Variants in DNAH5 observed in about 807,000 individuals in gnomAD.
DNAH5 encodes the protein dynein axonemal heavy chain 5.
Under a neutral mutation model 518.2 loss-of-function variants are expected in DNAH5, and 372 were observed. That is an observed-to-expected ratio of 0.72 (90% CI 0.66 to 0.78). The LOEUF is 0.78. Ranked by LOEUF, DNAH5 falls within the 30% of genes least tolerant of loss-of-function variation. The pLI is 0.00. For synonymous variants in DNAH5, 2,039 were observed against 2,025.9 expected, an observed-to-expected ratio of 1.01 and a Z score of -0.17; for missense variants, 5,523 against 5,687.0, an observed-to-expected ratio of 0.97 and a Z score of 0.93.
chr5:13,994,929 CAT>C (rs1183205591), intron 1 of DNAH5, among the ~76,000 whole-genome samples: 7 of 152,202 alleles, frequency 4.6e-5, no homozygotes, highest in Admixed American at 3.3e-4. Flanking sequence ...ATCCATCACA[CAT>C]GAGTTTCAGC....
At chr5:14,011,811 A>G (rs1785162479) in exon 1 of DNAH5, among the ~76,000 whole-genome samples, 1 of 152,110 alleles carries the variant, frequency 6.6e-6, no homozygotes, top group African/African-American at 2.4e-5. Context: ...TGCCGTTGCC[A>G]TGGCGACGGG....
chr5:13,895,644 T>G (rs1373108687), intron 15 of DNAH5, among the ~76,000 whole-genome samples: 1 of 152,040 alleles, frequency 6.6e-6, no homozygotes, highest in African/African-American at 2.4e-5. Flanking sequence ...CCAGTATTGA[T>G]CTCAACTAGT....
At chr5:13,850,398 T>C (rs1008628777) in intron 31 of DNAH5, among the ~76,000 whole-genome samples, 31 of 152,232 alleles carry the variant, frequency 2.0e-4, no homozygotes, top group South Asian at 1.9e-3. Context: ...AAGCAGGGAC[T>C]GTATGAGGAT....
chr5:14,001,200 G>A (rs1784327767), intron 1 of DNAH5, among the ~76,000 whole-genome samples: 1 of 152,182 alleles, frequency 6.6e-6, no homozygotes, highest in African/African-American at 2.4e-5. Context: ...AATATGCTCA[G>A]TACCTGGGTG....
chr5:13,996,200 G>A (rs534114495), intron 1 of DNAH5, among the ~76,000 whole-genome samples: 1 of 152,190 alleles, frequency 6.6e-6, no homozygotes, highest in African/African-American at 2.4e-5. Context: ...CTCCTCCACA[G>A]GGTAGTTTCG....
intron 69 of DNAH5, among the ~76,000 whole-genome samples, 191 bp from the exon 70 acceptor site, chr5:13,727,847 C>T (rs1745963503): frequency 6.6e-6 from 1 of 152,164 alleles, no homozygotes; most frequent in South Asian, 2.1e-4. Context: ...CAAAGTCAGT[C>T]TATACTAACA....
rs1160531469 is a variant in DNAH5, at chr5:13,769,616, C to T, written c.9606-1G>A. 6.2e-7 allele frequency: 1 copy of T among 1,612,716 alleles called. No homozygotes were observed. Among genetic ancestry groups the T allele is most frequent in the Non-Finnish European group, 8.5e-7 (1 of 1,178,864 alleles). ...GAGCTTTTCCAATCCAGTATTCATT[C>T]TGGGATTGAAAATCCAAGCAAGCAA... On this transcript the variant is annotated splice_acceptor_variant, in intron 56 of 78. Coordinates refer to ENST00000265104, the MANE Select transcript of DNAH5 (RefSeq NM_001369.3). LOFTEE classifies it high-confidence loss of function.
chr5:13,904,430 T>A (rs1470574984), intron 12 of DNAH5, among the ~76,000 whole-genome samples: 2 of 148,432 alleles, frequency 1.3e-5, no homozygotes, highest in Non-Finnish European at 3.0e-5. Flanking sequence ...TATATGGATT[T>A]TATATATATG....
intron 47 of DNAH5, among the ~76,000 whole-genome samples, chr5:13,797,869 T>C (rs922702923): frequency 2.3e-4 from 35 of 152,230 alleles, no homozygotes; most frequent in African/African-American, 7.2e-4. Context: ...GAATACTATG[T>C]AGCCATAAAA....
intron 1 of DNAH5, among the ~76,000 whole-genome samples, chr5:13,964,566 C>A (rs1024603072): frequency 1.3e-5 from 2 of 152,208 alleles, no homozygotes; most frequent in African/African-American, 4.8e-5. Flanking sequence ...TCAGCCCTGC[C>A]TCAGTGGTCA....
rs757667752 is a variant in DNAH5 at position 13,769,143 on chromosome 5, C to G, written c.9721-7G>C. ...TTGTCACTTCTTTTAAGACCTAATT[C>G]AATATAAAGCAAGCAATACTTCACC... On this transcript the variant is annotated splice_region_variant and splice_polypyrimidine_tract_variant and intron_variant, in intron 57 of 78. Coordinates refer to ENST00000265104, the MANE Select transcript of DNAH5 (RefSeq NM_001369.3). 1.2e-6 allele frequency: 2 copies of G among 1,613,390 alleles called. No individual in the cohort carries two copies. The highest frequency in any genetic ancestry group is 2.7e-5 in the African/African-American group (2 of 74,870).
At chr5:13,939,046 C>G (rs915718859) in intron 1 of DNAH5, among the ~76,000 whole-genome samples, 4 of 152,162 alleles carry the variant, frequency 2.6e-5, no homozygotes, top group Non-Finnish European at 5.9e-5. Flanking sequence ...CCTGATCCTT[C>G]TTATCTCCTG....
At chr5:13,829,157 G>C (rs1191366357) in intron 38 of DNAH5, among the ~76,000 whole-genome samples, 2 of 152,154 alleles carry the variant, frequency 1.3e-5, no homozygotes. Flanking sequence ...AGCTTAGAAT[G>C]AAGAAGAATA....
intron 41 of DNAH5, among the ~76,000 whole-genome samples, chr5:13,819,840 G>C (rs1186277439): frequency 6.6e-6 from 1 of 152,132 alleles, no homozygotes; most frequent in African/African-American, 2.4e-5. Context: ...GATTGGGATT[G>C]GGATGACTTC....
chr5:13,735,935 G>A lies in DNAH5; in HGVS notation c.11456-3C>T, dbSNP rs368946226. ...GAGGATGCTGCCCCGCGTAGCCACTGGAAGACAAAGAGCAAGGTTGCATGT... is the reference window on the plus strand; with the variant it reads ...GAGGATGCTGCCCCGCGTAGCCACTAGAAGACAAAGAGCAAGGTTGCATGT... On this transcript the variant is annotated splice_polypyrimidine_tract_variant and splice_region_variant and intron_variant, in intron 66 of 78. Coordinates refer to ENST00000265104, the MANE Select transcript of DNAH5 (RefSeq NM_001369.3). The A allele has an allele frequency of 3.7e-6, 6 of 1,611,058 alleles. No homozygotes were observed. The highest frequency in any genetic ancestry group is 5.1e-6 in the Non-Finnish European group (6 of 1,177,388).
At chr5:13,963,991 A>G (rs1406350292) in intron 1 of DNAH5, among the ~76,000 whole-genome samples, 1 of 152,138 alleles carries the variant, frequency 6.6e-6, no homozygotes, top group Non-Finnish European at 1.5e-5. Context: ...CTGCTTCAAC[A>G]TACCTTCTAA....
chr5:13,853,854 C>A (rs920648901), intron 30 of DNAH5, among the ~76,000 whole-genome samples: 2 of 151,862 alleles, frequency 1.3e-5, no homozygotes, highest in African/African-American at 4.8e-5. Context: ...ACAAAGCCTC[C>A]AAGAAATATG....
In DNAH5 at chr5:13,913,835, T is replaced by C. The variant is rs1776327165; in HGVS notation, c.1444A>G (p.Lys482Glu). Residue 482 changes from lysine to glutamate, a missense_variant, in exon 11 of 79, where the codon AAG becomes GAG. Lys to Glu is a moderately conservative substitution (Grantham distance 56, BLOSUM62 1). This residue lies in a region of DNAH5 where 5,121 missense variants were observed against 5,223.3 expected (regional missense o/e 0.98). Coordinates refer to ENST00000265104, the MANE Select transcript of DNAH5 (RefSeq NM_001369.3). ...KFETFHRRLA[K>E]IIDIFTTLKT... ...AGGGTTGTAAAGATGTCTATTATCT[T>C]GGCAAGGCGTCGGTGAAAAGTTTCG... is the stretch of plus-strand genomic sequence containing the variant. 1 of 1,613,684 alleles carries C rather than the reference T, an allele frequency of 6.2e-7. No homozygotes were observed. Among genetic ancestry groups the C allele is most frequent in the Admixed American group, 1.7e-5 (1 of 60,002 alleles).
rs754422154 is a variant in DNAH5, at chr5:13,916,353, C to A, written c.1192G>T (p.Val398Leu). 2.0e-6 allele frequency: 3 copies of A among 1,466,192 alleles called. No homozygotes were observed. The highest frequency in any genetic ancestry group is 2.8e-5 in the African/African-American group (2 of 71,784). The allele number at this position is 1,466,192 out of a possible 1,614,324, so 90.8% of individuals were successfully genotyped here. Residue 398 changes from valine to leucine, a missense_variant, in exon 9 of 79, where the codon GTA becomes TTA. Physicochemically the swap from Val to Leu is conservative, Grantham distance 32. Transcript: ENST00000265104. Reference protein sequence around the residue: ...NTSEKITSLFVKVTNQIISAC... With the variant: ...NTSEKITSLFLKVTNQIISAC... Reference sequence around the variant, plus strand: ...ACTCTACATCATGCACTTACCTTTACAAACAGAGATGTGATCTTCTCAGAG... The same window carrying A: ...ACTCTACATCATGCACTTACCTTTAAAAACAGAGATGTGATCTTCTCAGAG...
Sources: allele counts gnomAD v4.1 joint callset (sites outside exome capture counted in the v4.1 genomes callset), GRCh38; gene constraint gnomAD v4.1.1; regional missense constraint gnomAD v4.1.1; transcripts MANE v1.5; gene names NCBI Gene and HGNC (gene_info 2026-07-23, HGNC 2026-07-21).